The following CIB2 variants were observed in gnomAD, a reference collection of about 807,000 sequenced individuals.
CIB2 encodes the protein calcium and integrin binding family member 2, also known as calcium and integrin-binding family member 2.
In CIB2, 19 loss-of-function variants were observed where a neutral mutation model predicts 23.1. The ratio of observed to expected loss-of-function variants is 0.82; its 90% CI spans 0.57 to 1.21. CIB2 has a LOEUF of 1.21. Ranked by LOEUF, CIB2 falls within the 50% of genes most tolerant of loss-of-function variation. The pLI is 0.00. For missense variants in CIB2, 220 were observed against 241.5 expected (o/e 0.91, Z 0.59); for synonymous variants, 94 against 91.7 (o/e 1.03, Z -0.14).
chr15:78,105,296 G>A lies in CIB2; in HGVS notation c.*15C>T, dbSNP rs2074048456. On this transcript the variant is annotated 3_prime_UTR_variant, in exon 6 of 6. Coordinates refer to ENST00000258930, the MANE Select transcript of CIB2 (RefSeq NM_006383.4). ...GATGGTGGACTTCTAGGCCCCTACA[G>A]CCTCGGCAGTGTCCTCAGATCCGGA... 1.9e-6 allele frequency: 3 copies of A among 1,613,988 alleles called. No homozygotes were observed. Among genetic ancestry groups the A allele is most frequent in the Non-Finnish European group, 2.5e-6 (3 of 1,179,910 alleles).
chr15:78,110,276 G>A (rs536880965), intron 3 of CIB2, among the ~76,000 whole-genome samples: 4 of 152,348 alleles, frequency 2.6e-5, no homozygotes, highest in Non-Finnish European at 5.9e-5. Flanking sequence ...GCCAGTGCGG[G>A]AGGCTCAGAG....
Position 78,131,207 on chromosome 15 carries a change from G to A in CIB2, c.9C>T (p.Asn3=), listed in dbSNP as rs771750530. The part of the protein sequence containing the change: MG[N]KQTIFTEEQL... ...GCTCTTCGGTGAAGATGGTCTGCTT[G>A]TTCCCCATGGTGGCCGCCGCGCCGC... Residue 3 remains asparagine, a synonymous_variant, in exon 1 of 6, where the codon AAC becomes AAT. Transcript: ENST00000258930. This position sits in a 1 kb window ranked among gnomAD's most constrained non-coding sequence, Gnocchi z 5.8. The A allele has an allele frequency of 5.2e-6, 8 of 1,538,836 alleles. No individual in the cohort carries two copies. The highest frequency in any genetic ancestry group is 1.2e-5 in the South Asian group (1 of 83,802).
At chr15:78,118,377 G>A (rs1596357146) in intron 2 of CIB2, among the ~76,000 whole-genome samples, 2 of 152,152 alleles carry the variant, frequency 1.3e-5, no homozygotes, top group Admixed American at 6.5e-5. Flanking sequence ...CAGATCATGA[G>A]GTCAGGAGTT....
intron 2 of CIB2, among the ~76,000 whole-genome samples, chr15:78,115,482 G>A (rs1460228523): frequency 6.6e-6 from 1 of 151,610 alleles, no homozygotes; most frequent in South Asian, 2.1e-4. Flanking sequence ...GGCTGGTCTC[G>A]AACTCCTGAC....
chr15:78,127,440 G>A (rs1197988321), intron 1 of CIB2, among the ~76,000 whole-genome samples: 1 of 152,172 alleles, frequency 6.6e-6, no homozygotes, highest in Non-Finnish European at 1.5e-5. Flanking sequence ...GGAGTGATGG[G>A]CTCTCAGAAC....
At chr15:78,117,947 T>C (rs16969514) in intron 2 of CIB2, among the ~76,000 whole-genome samples, 22,867 of 152,234 alleles carry the variant, frequency 0.15, 2,967 homozygotes, top group African/African-American at 0.35. Context: ...AATACCCATA[T>C]ATGTGCAGTT....
At chr15:78,116,471 A>G (rs1436144857) in intron 2 of CIB2, among the ~76,000 whole-genome samples, 1 of 152,030 alleles carries the variant, frequency 6.6e-6, no homozygotes, top group Non-Finnish European at 1.5e-5. Context: ...TGACAAAAAA[A>G]AAAAAAAATT....
rs550750703 is a variant in CIB2 at position 78,111,230 on chromosome 15, C to T, written c.133G>A (p.Asp45Asn). Residue 45 changes from aspartate (D) to asparagine (N), a missense_variant, in exon 3 of 6, where the codon GAC becomes AAC. Physicochemically the swap from Asp to Asn is conservative, Grantham distance 23. Coordinates refer to ENST00000258930, the MANE Select transcript of CIB2 (RefSeq NM_006383.4). ...YELAPNLVPM[D>N]YRKSPIVHVP... ...TGGACGATGGGGCTCTTCCTGTAGT[C>T]CATTGGGACGAGGTTGGGGGCCAGC... is the stretch of plus-strand genomic sequence containing the variant. The T allele has an allele frequency of 1.2e-6, 2 of 1,614,034 alleles. No individual in the cohort carries two copies. Among genetic ancestry groups the T allele is most frequent in the African/African-American group, 2.7e-5 (2 of 74,906 alleles).
At chr15:78,130,468 G>A (rs964644151) in intron 1 of CIB2, among the ~76,000 whole-genome samples, 1 of 152,204 alleles carries the variant, frequency 6.6e-6, no homozygotes. Flanking sequence ...CAACCACAGC[G>A]AAGTTTTTAC....
At chr15:78,126,327 T>C (rs990165022) in intron 1 of CIB2, among the ~76,000 whole-genome samples, 11 of 152,086 alleles carry the variant, frequency 7.2e-5, no homozygotes, top group Admixed American at 1.3e-4. Flanking sequence ...ATTCTTAGTA[T>C]AGAGATGGGG....
At chr15:78,105,985 G>A in intron 4 of CIB2, 51 bp from the exon 5 acceptor site, 1 of 1,487,560 alleles carries the variant, frequency 6.7e-7, no homozygotes, top group Non-Finnish European at 9.3e-7. Context: ...TGCACCCAGG[G>A]ACCCCTACAC....
intron 1 of CIB2, among the ~76,000 whole-genome samples, chr15:78,127,696 C>T (rs185260761): frequency 2.0e-5 from 3 of 152,302 alleles, no homozygotes; most frequent in African/African-American, 7.2e-5. Context: ...CTGTCAGGAG[C>T]CGAGCCATGG....
intron 2 of CIB2, among the ~76,000 whole-genome samples, chr15:78,117,790 C>G (rs946507147): frequency 3.3e-5 from 5 of 152,156 alleles, no homozygotes; most frequent in African/African-American, 1.2e-4. Context: ...TGCATGCTGG[C>G]CCCCCTGACA....
intron 2 of CIB2, among the ~76,000 whole-genome samples, chr15:78,119,657 C>T (rs2074291698): frequency 6.6e-6 from 1 of 151,900 alleles, no homozygotes; most frequent in Admixed American, 6.6e-5. Flanking sequence ...ACCTCCGCCT[C>T]CTGGGTCCCG....
chr15:78,111,275 G>C lies in CIB2; in HGVS notation c.88C>G (p.Leu30Val). Residue 30 changes from leucine (L) to valine (V), a missense_variant and splice_region_variant, in exon 3 of 6, where the codon CTG becomes GTG. Leu to Val is a conservative substitution (Grantham distance 32). Transcript: ENST00000258930. ...GCCAGCTCATAGAATCGCGAATGCA[G>C]CCTTGGAGGAAAGCAGAGAAAAAGC... Reference protein sequence around the residue: ...TFFNKKDILKLHSRFYELAPN... With the variant: ...TFFNKKDILKVHSRFYELAPN... The C allele has an allele frequency of 6.2e-7, 1 of 1,613,452 alleles. No homozygotes were observed. Among genetic ancestry groups the C allele is most frequent in the Non-Finnish European group, 8.5e-7 (1 of 1,179,550 alleles).
At chr15:78,116,579 G>A (rs1464351824) in intron 2 of CIB2, among the ~76,000 whole-genome samples, 1 of 152,116 alleles carries the variant, frequency 6.6e-6, no homozygotes, top group Non-Finnish European at 1.5e-5. Context: ...TCCTTGGGAG[G>A]TCCTAGAACC....
At chr15:78,111,029 A>G (rs2074150711) in intron 3 of CIB2, 136 bp downstream of exon 3, 1 of 748,032 alleles carries the variant, frequency 1.3e-6, no homozygotes, top group Non-Finnish European at 2.4e-6. Context: ...AAACTGAGGC[A>G]CAGAGAGGTT....
At chr15:78,112,920 A>C (rs1383531044) in intron 2 of CIB2, among the ~76,000 whole-genome samples, 1 of 152,084 alleles carries the variant, frequency 6.6e-6, no homozygotes, top group Non-Finnish European at 1.5e-5. Flanking sequence ...ACAGATAATA[A>C]CACCAGCTAT....
At chr15:78,111,666 CTG>C (rs1351523062) in intron 2 of CIB2, among the ~76,000 whole-genome samples, 1 of 152,236 alleles carries the variant, frequency 6.6e-6, no homozygotes, top group African/African-American at 2.4e-5. Flanking sequence ...CTCCACATCA[CTG>C]TGCAGACAGA....
Sources: allele counts gnomAD v4.1 joint callset (sites outside exome capture counted in the v4.1 genomes callset), GRCh38; gene constraint gnomAD v4.1.1; non-coding constraint Gnocchi (gnomAD v3.1); transcripts MANE v1.5; gene names NCBI Gene and HGNC (gene_info 2026-07-23, HGNC 2026-07-21).